TENM3: variants seen among roughly 807,000 people sequenced by gnomAD.
TENM3 encodes the protein teneurin transmembrane protein 3.
A neutral mutation model predicts 255.1 loss-of-function variants in TENM3; 63 were observed. The ratio of observed to expected loss-of-function variants is 0.25; its 90% CI spans 0.20 to 0.30. TENM3 has a LOEUF of 0.30. TENM3 is among the 10% of genes least tolerant of loss of function. The pLI, the probability that TENM3 is intolerant of heterozygous loss-of-function variation, is 1.00. For synonymous variants in TENM3, 1,306 were observed against 1,322.3 expected (o/e 0.99, Z 0.27); for missense variants, 2,929 against 3,461.1 (o/e 0.85, Z 3.86).
At chr4:181,925,955 T>C in the TENM3 span, among the ~76,000 whole-genome samples, 1 of 152,220 alleles carries the variant, frequency 6.6e-6, no homozygotes, top group Non-Finnish European at 1.5e-5. Context: ...AATCACTATT[T>C]TGAATTTTCT....
At chr4:182,076,216 T>TTC in the TENM3 span, among the ~76,000 whole-genome samples, 7 of 50,598 alleles carry the variant, frequency 1.4e-4, no homozygotes, top group Admixed American at 2.7e-4. Context: ...TCTTCTTCTT[T>TTC]TTTTTTTTTT....
the TENM3 span, among the ~76,000 whole-genome samples, chr4:181,641,628 GTA>G: frequency 2.1e-5 from 1 of 48,180 alleles, no homozygotes; most frequent in Non-Finnish European, 4.2e-5. Flanking sequence ...TATGGTGTGT[GTA>G]TATATATATA....
At chr4:181,467,925 A>C in the TENM3 span, among the ~76,000 whole-genome samples, 194 of 152,264 alleles carry the variant, frequency 1.3e-3, 2 homozygotes, top group African/African-American at 4.5e-3. Flanking sequence ...CAGAATAAAA[A>C]ATTTTAGACC....
At chr4:182,346,270 G>A (rs955447417) in intron 2 of TENM3, among the ~76,000 whole-genome samples, 2 of 152,082 alleles carry the variant, frequency 1.3e-5, no homozygotes, top group Middle Eastern at 3.2e-3. Context: ...TTGGGGACTC[G>A]AGCCAGGACA....
intron 3 of TENM3, among the ~76,000 whole-genome samples, chr4:182,348,075 A>G (rs916035108): frequency 2.0e-5 from 3 of 152,186 alleles, no homozygotes; most frequent in Admixed American, 6.5e-5. Flanking sequence ...TATTCATGAA[A>G]AAAGGTCTAA....
chr4:181,762,057 G>A, the TENM3 span, among the ~76,000 whole-genome samples: 9 of 152,170 alleles, frequency 5.9e-5, no homozygotes, highest in Non-Finnish European at 1.3e-4. Context: ...ACCTCCAGAT[G>A]TGAGCAGCAC....
the TENM3 span, among the ~76,000 whole-genome samples, chr4:182,025,377 C>A: frequency 6.6e-6 from 1 of 152,136 alleles, no homozygotes; most frequent in Non-Finnish European, 1.5e-5. Flanking sequence ...TGTGTATGTA[C>A]CACATTTTCT....
At chr4:181,752,939 C>T in the TENM3 span, among the ~76,000 whole-genome samples, 1 of 152,068 alleles carries the variant, frequency 6.6e-6, no homozygotes, top group Non-Finnish European at 1.5e-5. Flanking sequence ...AAACCTTTAC[C>T]TGCTGTCACT....
chr4:182,113,009 A>G, the TENM3 span, among the ~76,000 whole-genome samples: 1 of 152,202 alleles, frequency 6.6e-6, no homozygotes, highest in Non-Finnish European at 1.5e-5. Context: ...GGCCCTCCTC[A>G]TCTGCAGATT....
intron 3 of TENM3, among the ~76,000 whole-genome samples, chr4:182,393,467 A>C (rs1768580822): frequency 6.6e-6 from 1 of 152,226 alleles, no homozygotes; most frequent in African/African-American, 2.4e-5. Context: ...ACATTTGCAA[A>C]TAATTTATAA....
the TENM3 span, among the ~76,000 whole-genome samples, chr4:181,518,105 A>G: frequency 2.6e-5 from 4 of 152,196 alleles, no homozygotes; most frequent in African/African-American, 7.2e-5. Flanking sequence ...CGGTTGTATA[A>G]TTGACCTCCT....
At chr4:182,765,875 T>C (rs1050874886) in intron 22 of TENM3, among the ~76,000 whole-genome samples, 11 of 152,192 alleles carry the variant, frequency 7.2e-5, no homozygotes, top group South Asian at 2.1e-4. Context: ...CAAGGTGTAT[T>C]CCAAAAGAAA....
At chr4:182,163,245 G>A (rs12648336) in intron 1 of TENM3, among the ~76,000 whole-genome samples, 64,031 of 151,738 alleles carry the variant, frequency 0.42, 14,090 homozygotes, top group East Asian at 0.61. Context: ...CCCGTCTTTC[G>A]TCTCTCCAAT....
the TENM3 span, among the ~76,000 whole-genome samples, chr4:181,981,948 C>A: frequency 2.0e-5 from 3 of 152,116 alleles, no homozygotes; most frequent in Admixed American, 6.6e-5. Context: ...TTTAAGATAA[C>A]CCATAGCCTG....
chr4:182,800,318 G>C lies in TENM3; in HGVS notation c.8067G>C (p.Gln2689His). Residue 2689 changes from glutamine (Q) to histidine (H), a missense_variant, in exon 28 of 28, where the codon CAG becomes CAC. Around this residue, in one of 6 missense-constraint regions of TENM3, gnomAD observed 476 missense variants for 480.1 expected, o/e 0.99. Coordinates refer to ENST00000511685, the MANE Select transcript of TENM3 (RefSeq NM_001080477.4). ...TGGCCGACAGCGCCAACAACATCCAGTTCCTGCGGCAGAGCGAGATCGGCA... is the reference window on the plus strand; with the variant it reads ...TGGCCGACAGCGCCAACAACATCCACTTCCTGCGGCAGAGCGAGATCGGCA... ...PELADSANNI[Q>H]FLRQSEIGRR is the part of the protein sequence containing the mutation. 6.3e-7 allele frequency: 1 copy of C among 1,593,054 alleles called. No individual in the cohort carries two copies. The highest frequency in any genetic ancestry group is 1.1e-5 in the South Asian group (1 of 89,712).
At chr4:182,187,366 T>C (rs995359717) in intron 1 of TENM3, among the ~76,000 whole-genome samples, 2 of 152,212 alleles carry the variant, frequency 1.3e-5, no homozygotes, top group Non-Finnish European at 2.9e-5. Flanking sequence ...TATGACCATG[T>C]TGGTGGAGCT....
At chr4:182,223,064 A>C (rs1365188376) in intron 1 of TENM3, among the ~76,000 whole-genome samples, 1 of 152,200 alleles carries the variant, frequency 6.6e-6, no homozygotes, top group Admixed American at 6.5e-5. Flanking sequence ...CTCTCCATGC[A>C]TTCAGCAGCT....
At chr4:181,472,780 C>T in the TENM3 span, among the ~76,000 whole-genome samples, 7 of 152,204 alleles carry the variant, frequency 4.6e-5, no homozygotes, top group Admixed American at 6.5e-5. Context: ...GCCAGCCTGC[C>T]GGGTTAAACC....
At chr4:181,786,402 A>G in the TENM3 span, among the ~76,000 whole-genome samples, 9 of 152,176 alleles carry the variant, frequency 5.9e-5, no homozygotes, top group African/African-American at 9.7e-5. Flanking sequence ...GAGGGGGGCC[A>G]GATGGTTGAT....
Sources: gnomAD v4.1 joint callset for allele counts (sites outside exome capture counted in the v4.1 genomes callset) on GRCh38, gnomAD v4.1.1 for gene constraint, gnomAD v4.1.1 regional missense constraint, MANE v1.5 for transcripts, NCBI Gene and HGNC (gene_info 2026-07-23, HGNC 2026-07-21) for gene names.